The following FIP1L1 variants were observed in gnomAD, a reference collection of about 807,000 sequenced individuals.
The protein encoded by FIP1L1 is factor interacting with PAPOLA and CPSF1.
FIP1L1 carries 21 observed loss-of-function variants against 84.6 expected under a neutral mutation model. The observed-to-expected ratio is 0.25, with a 90% confidence interval of 0.18 to 0.36. FIP1L1 has a LOEUF of 0.36. Ranked by LOEUF, FIP1L1 falls within the 10% of genes least tolerant of loss-of-function variation. The pLI is 1.00. For missense variants in FIP1L1, 526 were observed against 751.1 expected (o/e 0.70, Z 3.50); for synonymous variants, 263 against 242.3 (o/e 1.09, Z -0.80).
intron 9 of FIP1L1, among the ~76,000 whole-genome samples, chr4:53,392,031 G>C (rs1744523999): frequency 6.6e-6 from 1 of 152,168 alleles, no homozygotes; most frequent in African/African-American, 2.4e-5. Flanking sequence ...TTAAAAATTT[G>C]TTCTTAAAAG....
intron 13 of FIP1L1, among the ~76,000 whole-genome samples, chr4:53,441,587 TG>T (rs1168514586): frequency 6.6e-6 from 1 of 151,988 alleles, no homozygotes; most frequent in Non-Finnish European, 1.5e-5. Context: ...ATCCTAACAC[TG>T]GATACAGTGA....
chr4:53,446,937 G>A (rs1015336239), intron 15 of FIP1L1, among the ~76,000 whole-genome samples: 1 of 151,980 alleles, frequency 6.6e-6, no homozygotes, highest in Non-Finnish European at 1.5e-5. Context: ...TCAGAGACAA[G>A]GTTTTTTGTT....
chr4:53,384,581 TA>T (rs1479288304), intron 5 of FIP1L1, among the ~76,000 whole-genome samples: 1 of 152,248 alleles, frequency 6.6e-6, no homozygotes, highest in African/African-American at 2.4e-5. Context: ...TTTTTGTTCT[TA>T]ATAGTGTTTT....
In FIP1L1 at chr4:53,460,699, C is replaced by T. The variant is rs1418690531; in HGVS notation, c.*1250C>T. The T allele has an allele frequency of 7.9e-6, 4 of 503,468 alleles. No homozygotes were observed. Among genetic ancestry groups the T allele is most frequent in the African/African-American group, 2.0e-5 (1 of 49,360 alleles). 31.2% of individuals were successfully genotyped at this position (503,468 alleles called of 1,614,324 possible). A position where few individuals can be genotyped will look rare whatever the true frequency, so the allele number is the denominator to read the frequency against. On this transcript the variant is annotated 3_prime_UTR_variant, in exon 18 of 18. Coordinates refer to ENST00000337488, the MANE Select transcript of FIP1L1 (RefSeq NM_030917.4). ...CAATGTTGTAGAGTAATGAGAAATC[C>T]TCCACACTGAAAAAAAACTAGTAGT... is the stretch of plus-strand genomic sequence containing the variant.
chr4:53,430,906 A>G (rs766321390), intron 13 of FIP1L1, among the ~76,000 whole-genome samples: 8 of 152,176 alleles, frequency 5.3e-5, no homozygotes, highest in Non-Finnish European at 7.3e-5. Flanking sequence ...GCAGTACCTA[A>G]CTGGTATATG....
chr4:53,458,419 T>C, intron 16 of FIP1L1: 1 of 307,392 alleles, frequency 3.3e-6, no homozygotes, highest in Non-Finnish European at 5.9e-6. Context: ...AGAACAAAAT[T>C]GGTCATTTAA....
intron 10 of FIP1L1, among the ~76,000 whole-genome samples, chr4:53,401,014 G>C (rs1057349670): frequency 1.3e-5 from 2 of 152,112 alleles, no homozygotes; most frequent in African/African-American, 4.8e-5. Context: ...TCAGATGCTG[G>C]CTCTGCGGCT....
At chr4:53,430,773 C>A (rs559686453) in intron 13 of FIP1L1, among the ~76,000 whole-genome samples, 1 of 152,290 alleles carries the variant, frequency 6.6e-6, no homozygotes, top group East Asian at 1.9e-4. Flanking sequence ...TAATTCTCAG[C>A]TACATGCTTT....
At chr4:53,437,927 A>G (rs1280550680) in intron 13 of FIP1L1, among the ~76,000 whole-genome samples, 1 of 151,818 alleles carries the variant, frequency 6.6e-6, no homozygotes, top group Non-Finnish European at 1.5e-5. Context: ...GGGTTTCACC[A>G]TGTTAGCCAA....
chr4:53,404,767 G>A (rs1473843561), intron 10 of FIP1L1, among the ~76,000 whole-genome samples: 1 of 152,098 alleles, frequency 6.6e-6, no homozygotes, highest in African/African-American at 2.4e-5. Context: ...GGCCAGTGAT[G>A]GTGAGCATTT....
intron 10 of FIP1L1, among the ~76,000 whole-genome samples, chr4:53,402,567 C>G (rs553461307): frequency 1.3e-4 from 19 of 151,894 alleles, no homozygotes; most frequent in Non-Finnish European, 2.4e-4. Context: ...CTGGGCATTG[C>G]GAAGCAAACC....
At chr4:53,415,889 G>C (rs1211080286) in intron 11 of FIP1L1, among the ~76,000 whole-genome samples, 1 of 152,148 alleles carries the variant, frequency 6.6e-6, no homozygotes, top group East Asian at 1.9e-4. Flanking sequence ...CATTCTTAGA[G>C]TAGTGTCAGT....
intron 3 of FIP1L1, among the ~76,000 whole-genome samples, chr4:53,380,709 T>C (rs531865093): frequency 8.2e-4 from 125 of 152,328 alleles, no homozygotes; most frequent in African/African-American, 3.0e-3. Context: ...TGAAATGTTA[T>C]TTCATTTTAA....
At chr4:53,395,854 G>A (rs1746950395) in intron 9 of FIP1L1, among the ~76,000 whole-genome samples, 1 of 151,620 alleles carries the variant, frequency 6.6e-6, no homozygotes, top group Non-Finnish European at 1.5e-5. Flanking sequence ...AGAATAATGA[G>A]CACTCATCTT....
At position 53,389,857 on chromosome 4, in the gene FIP1L1, A is replaced by G. The variant is rs755184908; in HGVS notation, c.381A>G (p.Arg127=). The G allele has an allele frequency of 2.5e-6, 4 of 1,601,570 alleles. No homozygotes were observed. In the South Asian group the frequency reaches 3.4e-5, roughly 14 times the overall value. Residue 127 remains arginine, a synonymous_variant, in exon 6 of 18, where the codon AGA becomes AGG. Transcript: ENST00000337488. ...ATCTTAACATCAAGACAGGGGGAAGAGTTTATGGAACTACAGGTAAAATTT... is the reference window on the plus strand; with the variant it reads ...ATCTTAACATCAAGACAGGGGGAAGGGTTTATGGAACTACAGGTAAAATTT... The part of the protein sequence containing the change: ...PVNLNIKTGG[R]VYGTTGTKVK...
At chr4:53,399,603 T>C in intron 9 of FIP1L1, 127 bp from the exon 10 acceptor site, 2 of 627,160 alleles carry the variant, frequency 3.2e-6, no homozygotes, top group Non-Finnish European at 5.5e-6. Context: ...TTAATAAATA[T>C]TCAGCAAAGG....
chr4:53,379,282 T>C lies in FIP1L1; in HGVS notation c.170+18T>C, dbSNP rs550587330. The stretch of plus-strand genomic sequence containing the variant: ...AATGCCAGGTTAGTGAAATTTTCTG[T>C]TGATGCCTATTACACAGGTTGTGTG... On this transcript the variant is annotated intron_variant, in intron 3 of 17. Transcript: ENST00000337488. 1 of 1,576,896 alleles carries C rather than the reference T, an allele frequency of 6.3e-7. No individual in the cohort carries two copies. Among genetic ancestry groups the C allele is most frequent in the Admixed American group, 1.9e-5 (1 of 52,726 alleles).
In FIP1L1 at chr4:53,460,778, A is replaced by T. The variant is rs986554643; in HGVS notation, c.*1329A>T. 4 of 966,478 alleles carry T rather than the reference A, an allele frequency of 4.1e-6. No homozygotes were observed. Among genetic ancestry groups the T allele is most frequent in the Non-Finnish European group, 4.6e-6 (3 of 655,450 alleles). 59.9% of individuals were successfully genotyped at this position (966,478 alleles called of 1,614,324 possible). ...AGGTGTAACTGGCTTTCATTAGATG[A>T]TCATACTTTTCCTGACATTTTTACA... On this transcript the variant is annotated 3_prime_UTR_variant, in exon 18 of 18. Transcript: ENST00000337488.
At chr4:53,401,246 T>G (rs1156784649) in intron 10 of FIP1L1, among the ~76,000 whole-genome samples, 1 of 152,228 alleles carries the variant, frequency 6.6e-6, no homozygotes, top group Non-Finnish European at 1.5e-5. Flanking sequence ...GTACTTTGCC[T>G]TTTGTTTTTT....
Sources: allele counts gnomAD v4.1 joint callset (sites outside exome capture counted in the v4.1 genomes callset), GRCh38; gene constraint gnomAD v4.1.1; transcripts MANE v1.5; gene names NCBI Gene and HGNC (gene_info 2026-07-23, HGNC 2026-07-21).